Variants in UBE4B observed in about 807,000 individuals in gnomAD.
UBE4B encodes ubiquitination factor E4B.
A neutral mutation model predicts 148.1 loss-of-function variants in UBE4B; 27 were observed. That is an observed-to-expected ratio of 0.18 (90% confidence interval 0.13 to 0.25). The LOEUF is 0.25. Ranked by LOEUF, UBE4B falls within the 10% of genes least tolerant of loss-of-function variation. UBE4B has a pLI of 1.00. For synonymous variants in UBE4B, 596 were observed against 619.3 expected, an observed-to-expected ratio of 0.96 and a Z score of 0.56; for missense variants, 1,170 against 1,662.4, an observed-to-expected ratio of 0.70 and a Z score of 5.15.
chr1:10,041,439 A>G (rs901818917), intron 1 of UBE4B, among the ~76,000 whole-genome samples: 1 of 151,118 alleles, frequency 6.6e-6, no homozygotes, highest in Non-Finnish European at 1.5e-5. Context: ...GGTTCAAGCA[A>G]TTCTCCTGCC....
chr1:10,092,023 T>C (rs1336706108), intron 2 of UBE4B, among the ~76,000 whole-genome samples: 1 of 152,096 alleles, frequency 6.6e-6, no homozygotes, highest in Non-Finnish European at 1.5e-5. Context: ...GTGCTGGGAT[T>C]ACAGATGTGA....
intron 4 of UBE4B, among the ~76,000 whole-genome samples, chr1:10,102,666 C>G (rs539403409): frequency 7.8e-4 from 119 of 152,112 alleles, no homozygotes; most frequent in African/African-American, 2.7e-3. Flanking sequence ...TGGCCTCGGC[C>G]TTCCAGAATG....
chr1:10,072,291 C>A, intron 2 of UBE4B, 77 bp downstream of exon 2: 1 of 1,505,600 alleles, frequency 6.6e-7, no homozygotes, highest in Non-Finnish European at 9.0e-7. Flanking sequence ...TGTGATGTTT[C>A]CAGAACAGAT....
At chr1:10,110,332 CTGTT>C (rs1290904915) in intron 7 of UBE4B, among the ~76,000 whole-genome samples, 1 of 152,090 alleles carries the variant, frequency 6.6e-6, no homozygotes, top group Non-Finnish European at 1.5e-5. Context: ...GAGAAAAGAA[CTGTT>C]TGAGATATAA....
intron 2 of UBE4B, among the ~76,000 whole-genome samples, chr1:10,082,023 T>C (rs1644690781): frequency 6.6e-6 from 1 of 152,216 alleles, no homozygotes; most frequent in African/African-American, 2.4e-5. Flanking sequence ...CCTATTCTTA[T>C]CCCTCCAAAT....
chr1:10,158,221 C>T (rs1165657787), intron 21 of UBE4B, 135 bp from the exon 22 acceptor site: 2 of 1,140,790 alleles, frequency 1.8e-6, no homozygotes, highest in Non-Finnish European at 1.2e-6. Context: ...GCCCTACATG[C>T]AAAAGAAGTG....
chr1:10,065,029 C>G (rs1184014093), intron 1 of UBE4B, among the ~76,000 whole-genome samples: 1 of 152,068 alleles, frequency 6.6e-6, no homozygotes, highest in Non-Finnish European at 1.5e-5. Context: ...TCCCAAAGTG[C>G]TGGGATTAAA....
Position 10,121,952 on chromosome 1 carries a change from G to C in UBE4B, c.1440-10G>C, listed in dbSNP as rs777561093. Reference sequence around the variant, plus strand: ...CTTCATCACCGTCCCTAATGTTCATGGGTCCACAGGTCCTTGCAGCAGCCG... The same window carrying C: ...CTTCATCACCGTCCCTAATGTTCATCGGTCCACAGGTCCTTGCAGCAGCCG... On this transcript the variant is annotated splice_polypyrimidine_tract_variant and intron_variant, in intron 9 of 27. Coordinates refer to ENST00000343090, the MANE Select transcript of UBE4B (RefSeq NM_001105562.3). The C allele has an allele frequency of 1.9e-6, 3 of 1,594,120 alleles. No homozygotes were observed. In the South Asian group the frequency reaches 3.4e-5, roughly 18 times the overall value.
At chr1:10,099,145 G>A (rs190388284) in intron 3 of UBE4B, among the ~76,000 whole-genome samples, 30 of 152,252 alleles carry the variant, frequency 2.0e-4, no homozygotes, top group African/African-American at 7.0e-4. Context: ...GGGAGGCTGA[G>A]GCAGGAGAAT....
At chr1:10,114,079 G>GAAAA (rs1175645933) in intron 7 of UBE4B, among the ~76,000 whole-genome samples, 2 of 111,852 alleles carry the variant, frequency 1.8e-5, no homozygotes. Context: ...AAAAAAAAAA[G>GAAAA]AAAAAAAAAA....
At chr1:10,143,414 A>G (rs1645815763) in intron 17 of UBE4B, among the ~76,000 whole-genome samples, 1 of 151,992 alleles carries the variant, frequency 6.6e-6, no homozygotes, top group Admixed American at 6.6e-5. Context: ...AAAAAAGACA[A>G]CAACAAGATC....
At chr1:10,162,734 G>C (rs936119026) in intron 23 of UBE4B, among the ~76,000 whole-genome samples, 1 of 151,784 alleles carries the variant, frequency 6.6e-6, no homozygotes, top group Non-Finnish European at 1.5e-5. Flanking sequence ...CTGTCACCCA[G>C]GGAGTGAGCA....
chr1:10,145,579 G>C (rs542281916), intron 18 of UBE4B: 3 of 151,926 alleles, frequency 2.0e-5, no homozygotes, highest in Admixed American at 6.6e-5. Context: ...CAGCCTGGGC[G>C]ACAGAGCGAG....
At chr1:10,068,553 G>A (rs1041833136) in intron 1 of UBE4B, among the ~76,000 whole-genome samples, 4 of 151,500 alleles carry the variant, frequency 2.6e-5, no homozygotes, top group Non-Finnish European at 5.9e-5. Flanking sequence ...GTTTCCCCGT[G>A]TTAGTCGGGC....
intron 2 of UBE4B, 172 bp downstream of exon 2, chr1:10,072,386 T>C: frequency 1.2e-6 from 1 of 810,436 alleles, no homozygotes; most frequent in South Asian, 1.7e-5. Flanking sequence ...TCGCTTTTTT[T>C]TTTATTGCAA....
chr1:10,068,122 G>A (rs1374603115), intron 1 of UBE4B, among the ~76,000 whole-genome samples: 2 of 150,792 alleles, frequency 1.3e-5, no homozygotes, highest in Non-Finnish European at 3.0e-5. Flanking sequence ...TCCGCCTCCT[G>A]GGTTCAAGTG....
chr1:10,158,779 C>T (rs568811033), intron 22 of UBE4B, among the ~76,000 whole-genome samples: 64 of 151,950 alleles, frequency 4.2e-4, no homozygotes, highest in Admixed American at 1.6e-3. Flanking sequence ...GAGGCAGAGG[C>T]GGGCGGATCA....
chr1:10,117,757 T>A (rs528888900), intron 8 of UBE4B, among the ~76,000 whole-genome samples, 157 bp downstream of exon 8: 1 of 152,206 alleles, frequency 6.6e-6, no homozygotes, highest in African/African-American at 2.4e-5. Flanking sequence ...GATGTGTCGA[T>A]GAACAAAACA....
chr1:10,167,474 T>TAATAATAATAATAATAATAACGAC (rs535397393), intron 23 of UBE4B, among the ~76,000 whole-genome samples: 1 of 149,642 alleles, frequency 6.7e-6, no homozygotes, highest in African/African-American at 2.5e-5. Context: ...ATAATAATAA[T>TAATAATAATAATAATAATAACGAC]GACTAAGTAA....
Sources: gnomAD v4.1 joint callset for allele counts (sites outside exome capture counted in the v4.1 genomes callset) on GRCh38, gnomAD v4.1.1 for gene constraint, MANE v1.5 for transcripts, NCBI Gene and HGNC (gene_info 2026-07-23, HGNC 2026-07-21) for gene names.